Variants in TRERF1 observed in about 807,000 individuals in gnomAD.
TRERF1 encodes the protein transcriptional-regulating factor 1.
A neutral mutation model predicts 122.9 loss-of-function variants in TRERF1; 27 were observed. The observed-to-expected ratio is 0.22, with a 90% confidence interval of 0.16 to 0.30. TRERF1 has a LOEUF of 0.30. TRERF1 is among the 10% of genes least tolerant of loss of function. TRERF1 has a pLI of 1.00. For missense variants in TRERF1, 1,248 were observed against 1,560.3 expected (o/e 0.80, Z 3.37); for synonymous variants, 636 against 641.7 (o/e 0.99, Z 0.13).
At chr6:42,404,103 C>T (rs764889398) in intron 2 of TRERF1, among the ~76,000 whole-genome samples, 10 of 152,286 alleles carry the variant, frequency 6.6e-5, no homozygotes, top group Non-Finnish European at 1.3e-4. Flanking sequence ...GAGTACTAGA[C>T]TCAAGTACTA....
At chr6:42,369,226 G>T (rs926317490) in intron 2 of TRERF1, among the ~76,000 whole-genome samples, 1 of 152,144 alleles carries the variant, frequency 6.6e-6, no homozygotes, top group African/African-American at 2.4e-5. Context: ...AAGGCGGGTG[G>T]ATCACTTGAG....
chr6:42,412,475 G>A (rs1404847901), intron 2 of TRERF1, among the ~76,000 whole-genome samples: 2 of 152,178 alleles, frequency 1.3e-5, no homozygotes, highest in Admixed American at 6.5e-5. Flanking sequence ...TCACACAGGC[G>A]AAATAAAAAC....
chr6:42,386,546 T>C lies in TRERF1; in HGVS notation c.-453-23467A>G, dbSNP rs145442136. ...AGAAAAGCAAGAAAAACCCAAATTG[T>C]AGCACTTGGCATGGAGCGTGGACAA... On this transcript the variant is annotated intron_variant, in intron 2 of 17. Coordinates refer to ENST00000372922, the Ensembl canonical transcript of TRERF1. 7.2e-5 allele frequency among the ~76,000 whole-genome samples: 11 copies of C among 152,304 alleles called. No homozygotes were observed. The East Asian group carries it at 7.7e-4, about 11-fold the overall frequency.
intron 2 of TRERF1, among the ~76,000 whole-genome samples, chr6:42,435,894 C>A (rs947862145): frequency 1.3e-5 from 2 of 150,442 alleles, no homozygotes; most frequent in Admixed American, 1.3e-4. Flanking sequence ...GCAGGAGAAT[C>A]ATTTGAACCC....
intron 2 of TRERF1, among the ~76,000 whole-genome samples, chr6:42,443,362 C>T (rs181142887): frequency 3.9e-5 from 6 of 152,226 alleles, no homozygotes; most frequent in East Asian, 3.9e-4. Flanking sequence ...GCCAGGAGCC[C>T]GATTAGTGAA....
intron 14 of TRERF1, among the ~76,000 whole-genome samples, chr6:42,245,812 C>A (rs560078839): frequency 1.3e-5 from 2 of 152,094 alleles, no homozygotes; most frequent in African/African-American, 4.8e-5. Context: ...GTTAAATATA[C>A]GTAAATTATG....
Position 42,269,680 on chromosome 6 carries a change from G to C in TRERF1, c.-90C>G. 1 of 1,492,478 alleles carries C rather than the reference G, an allele frequency of 6.7e-7. No homozygotes were observed. Among genetic ancestry groups the C allele is most frequent in the Non-Finnish European group, 8.9e-7 (1 of 1,124,124 alleles). 92.5% of individuals were successfully genotyped at this position (1,492,478 alleles called of 1,614,324 possible). On this transcript the variant is annotated 5_prime_UTR_variant, in exon 5 of 18. Coordinates refer to ENST00000372922, the Ensembl canonical transcript of TRERF1. The surrounding 1 kb of genome is among the most constrained non-coding windows in gnomAD (Gnocchi z 4.9). ...AAAAGGACTGAAACCCTGAGAAGCT[G>C]AGAGAAAAGTGTCAGCACTACTCCA...
intron 14 of TRERF1, among the ~76,000 whole-genome samples, chr6:42,245,726 A>G (rs1157010656): frequency 1.3e-5 from 2 of 152,254 alleles, no homozygotes; most frequent in African/African-American, 2.4e-5. Flanking sequence ...TCAACACCAG[A>G]AACTGTGCTA....
intron 4 of TRERF1, among the ~76,000 whole-genome samples, chr6:42,292,539 G>A (rs890955326): frequency 6.6e-6 from 1 of 152,152 alleles, no homozygotes; most frequent in Non-Finnish European, 1.5e-5. Context: ...CACATGACTG[G>A]CTCATCCTTG....
rs1169696960 is a variant in TRERF1 at position 42,228,441 on chromosome 6, C to T, written c.3507G>A (p.Gln1169=). The T allele has an allele frequency of 2.5e-6, 4 of 1,614,228 alleles. No homozygotes were observed. The highest frequency in any genetic ancestry group is 3.4e-6 in the Non-Finnish European group (4 of 1,180,048). ...CAGCCTCTTCCATGACACCTCCCAA[C>T]TGCTGGACGACGTCGTCGTCGAGGA... The change falls in exon 18 of 18, where the codon CAG becomes CAA. Residue 1169 remains glutamine (Q), a synonymous_variant. Transcript: ENST00000372922. This position sits in a 1 kb window ranked among gnomAD's most constrained non-coding sequence, Gnocchi z 4.2.
intron 2 of TRERF1, among the ~76,000 whole-genome samples, chr6:42,380,701 T>A (rs1394321299): frequency 6.6e-6 from 1 of 152,188 alleles, no homozygotes; most frequent in Non-Finnish European, 1.5e-5. Context: ...CCAAAGGGCA[T>A]GGCTCTCTAG....
At chr6:42,395,760 G>A (rs543687761) in intron 2 of TRERF1, among the ~76,000 whole-genome samples, 13 of 151,790 alleles carry the variant, frequency 8.6e-5, no homozygotes, top group Non-Finnish European at 1.5e-4. Context: ...AGCCCTTACA[G>A]TAGGTCCATG....
Position 42,393,029 on chromosome 6 carries a change from G to A in TRERF1, c.-453-29950C>T, listed in dbSNP as rs143292009. On this transcript the variant is annotated intron_variant, in intron 2 of 17. Coordinates refer to ENST00000372922, the Ensembl canonical transcript of TRERF1. The surrounding 1 kb of genome is among the most constrained non-coding windows in gnomAD (Gnocchi z 4.1). ...CAAGCTGCCGACGCGAGGGCCACTG[G>A]ACATGGAGTTGGGAAGAGACATGCA... Among the ~76,000 whole-genome samples, 13 of 152,094 alleles carry A rather than the reference G, an allele frequency of 8.5e-5. No homozygotes were observed. The East Asian group carries it at 2.5e-3, about 29-fold the overall frequency.
intron 2 of TRERF1, among the ~76,000 whole-genome samples, chr6:42,375,818 G>A (rs1262455118): frequency 6.6e-6 from 1 of 152,052 alleles, no homozygotes; most frequent in Non-Finnish European, 1.5e-5. Context: ...TGGGAGCCTG[G>A]AGAACCCCTG....
chr6:42,418,478 C>G (rs897027220), intron 2 of TRERF1, among the ~76,000 whole-genome samples: 1 of 151,836 alleles, frequency 6.6e-6, no homozygotes, highest in African/African-American at 2.4e-5. Context: ...ACCATGTTGG[C>G]CAGGCTGGTC....
chr6:42,238,667 A>T (rs1220542894), intron 15 of TRERF1, among the ~76,000 whole-genome samples: 1 of 152,092 alleles, frequency 6.6e-6, no homozygotes, highest in Non-Finnish European at 1.5e-5. Context: ...TGAGGAGGAT[A>T]TTTTTATTTC....
At chr6:42,320,611 C>T (rs1397339280) in intron 3 of TRERF1, among the ~76,000 whole-genome samples, 2 of 149,974 alleles carry the variant, frequency 1.3e-5, no homozygotes, top group Non-Finnish European at 2.9e-5. Flanking sequence ...CAGGTTCAAG[C>T]AATTCTCCCT....
chr6:42,281,948 C>T (rs1223540591), intron 4 of TRERF1, among the ~76,000 whole-genome samples: 2 of 152,192 alleles, frequency 1.3e-5, no homozygotes, highest in Non-Finnish European at 2.9e-5. Flanking sequence ...TTGCAATGAA[C>T]ATTCTCAGAT....
intron 2 of TRERF1, among the ~76,000 whole-genome samples, chr6:42,374,569 A>G (rs1413848477): frequency 6.6e-6 from 1 of 152,166 alleles, no homozygotes; most frequent in Non-Finnish European, 1.5e-5. Context: ...CTCTGTGTGT[A>G]CCAGTCATTT....
Sources: gnomAD v4.1 joint callset for allele counts (sites outside exome capture counted in the v4.1 genomes callset) on GRCh38, gnomAD v4.1.1 for gene constraint, Gnocchi (gnomAD v3.1) non-coding constraint, MANE v1.5 for transcripts, NCBI Gene and HGNC (gene_info 2026-07-23, HGNC 2026-07-21) for gene names.